The following ANKLE1 variants were observed in gnomAD, a reference collection of about 807,000 sequenced individuals.
ANKLE1 encodes structure-specific endonuclease ANKLE1.
In ANKLE1, 59 loss-of-function variants were observed where a neutral mutation model predicts 56.2. The observed-to-expected ratio is 1.05, with a 90% CI of 0.85 to 1.30. The LOEUF (loss-of-function observed/expected upper bound fraction) is 1.30, where lower values mean the gene tolerates loss of function less well. Among genes scored for constraint, ANKLE1 ranks in the 50% most tolerant of loss-of-function variants. ANKLE1 has a pLI of 0.00. For synonymous variants in ANKLE1, 341 were observed against 352.9 expected (o/e 0.97, Z 0.38); for missense variants, 771 against 816.1 (o/e 0.94, Z 0.67).
chr19:17,285,303 G>A (rs529107663), intron 6 of ANKLE1, 128 bp from the exon 7 acceptor site: 56 of 1,109,748 alleles, frequency 5.0e-5, no homozygotes, highest in East Asian at 1.9e-4. Context: ...TTGGGGAGCC[G>A]CTGACTCTCT....
rs7507273 is a variant in ANKLE1 at position 17,282,078 on chromosome 19, C to T, written c.84C>T (p.Arg28=). The change falls in exon 2 of 9, where the codon CGC becomes CGT. Residue 28 remains arginine (R), a synonymous_variant. Transcript: ENST00000404085. ...EEPWAVEELL[R]CGADPNLVLE... is the part of the protein sequence containing the mutation. ...GCAGGGCAGTAGAGGAGCTGCTGCG[C>T]TGCGGCGCGGACCCTAATTTGGTGC... 1 of 1,540,036 alleles carries T rather than the reference C, an allele frequency of 6.5e-7. No homozygotes were observed.
chr19:17,283,471 A>G lies in ANKLE1; in HGVS notation c.707A>G (p.Asp236Gly). 2 of 1,612,892 alleles carry G rather than the reference A, an allele frequency of 1.2e-6. No individual in the cohort carries two copies. Among genetic ancestry groups the G allele is most frequent in the East Asian group, 2.2e-5 (1 of 44,864 alleles). ...TCTGGAGCTGAGGACCCAGCCTCGG[A>G]CACTCCCCCCTGGGCTGGGTCATTG... ...EVSGAEDPAS[D>G]TPPWAGSLPP... Residue 236 changes from aspartate to glycine, a missense_variant, in exon 5 of 9, where the codon GAC becomes GGC. Transcript: ENST00000404085.
At position 17,283,480 on chromosome 19, in the gene ANKLE1, C is replaced by T; in HGVS notation, c.716C>T (p.Pro239Leu). ...GAEDPASDTP[P>L]WAGSLPPTRQ... is the part of the protein sequence containing the mutation. ...GAGGACCCAGCCTCGGACACTCCCC[C>T]CTGGGCTGGGTCATTGCCACCGACC... Residue 239 changes from proline (P) to leucine (L), a missense_variant, in exon 5 of 9, where the codon CCC (proline) becomes CTC (leucine). Physicochemically the swap from Pro to Leu is moderately conservative, Grantham distance 98 (BLOSUM62 -3). Coordinates refer to ENST00000404085, the MANE Select transcript of ANKLE1 (RefSeq NM_152363.6). 6 of 1,613,216 alleles carry T rather than the reference C, an allele frequency of 3.7e-6. No individual in the cohort carries two copies. Among genetic ancestry groups the T allele is most frequent in the Middle Eastern group, 1.7e-4 (1 of 6,060 alleles).
In ANKLE1 at chr19:17,282,629, A is replaced by G. The variant is rs1476035021; in HGVS notation, c.216-27A>G. 5 of 1,530,286 alleles carry G rather than the reference A, an allele frequency of 3.3e-6. No individual in the cohort carries two copies. In the African/African-American group the frequency reaches 4.1e-5, roughly 13 times the overall value. The allele number at this position is 1,530,286 out of a possible 1,614,324, so 94.8% of individuals were successfully genotyped here. A position where few individuals can be genotyped will look rare whatever the true frequency, so the allele number is the denominator to read the frequency against. On this transcript the variant is annotated intron_variant, in intron 2 of 8. Coordinates refer to ENST00000404085, the MANE Select transcript of ANKLE1 (RefSeq NM_152363.6). ...TTCCTGCCGGGAGGCTGAGTCCGCA[A>G]TGACCCCTCTTGCGCTGCCGCCCCA... is the stretch of plus-strand genomic sequence containing the variant.
Position 17,283,283 on chromosome 19 carries a change from G to T in ANKLE1, c.519G>T (p.Gln173His). 6.2e-7 allele frequency: 1 copy of T among 1,613,650 alleles called. No homozygotes were observed. Among genetic ancestry groups the T allele is most frequent in the African/African-American group, 1.3e-5 (1 of 75,030 alleles). ...TGGACTCCATAGCACTCCAAAAGCA[G>T]CCATGCAGAGGTGACAACAGGGACA... is the stretch of plus-strand genomic sequence containing the variant. ...ETLDSIALQK[Q>H]PCRGDNRDIG... is the part of the protein sequence containing the mutation. Residue 173 changes from glutamine to histidine, a missense_variant, in exon 5 of 9, where the codon CAG becomes CAT. Physicochemically the swap from Gln to His is conservative, Grantham distance 24. Transcript: ENST00000404085.
rs2074045392 is a variant in ANKLE1, at chr19:17,287,311, A to C, written c.*759A>C. ...CTGGGCATGGTGGCGCGTGCCTGTA[A>C]TCCCAGCTACTAGGGGGGCTGAGGC... On this transcript the variant is annotated 3_prime_UTR_variant, in exon 9 of 9. Coordinates refer to ENST00000404085, the MANE Select transcript of ANKLE1 (RefSeq NM_152363.6). 1 of 152,004 alleles carries C rather than the reference A, an allele frequency of 6.6e-6. No homozygotes were observed. The highest frequency in any genetic ancestry group is 6.5e-5 in the Admixed American group (1 of 15,272). The allele number at this position is 152,004 out of a possible 1,614,324, so 9.4% of individuals were successfully genotyped here. A position where few individuals can be genotyped will look rare whatever the true frequency, so the allele number is the denominator to read the frequency against.
At chr19:17,285,878 C>T in intron 8 of ANKLE1, 59 bp downstream of exon 8, 2 of 1,597,214 alleles carry the variant, frequency 1.3e-6, no homozygotes, top group Non-Finnish European at 8.5e-7. Context: ...TCCCAGTTCC[C>T]TCATTTTTTT....
Position 17,286,455 on chromosome 19 carries a change from G to C in ANKLE1, c.1751G>C (p.Arg584Pro). Reference sequence around the variant, plus strand: ...GCAGGCTGGCCACCTGCTCGTCGCCGGCGCTTGGGGGTGCACCTGCTGCAC... The same window carrying C: ...GCAGGCTGGCCACCTGCTCGTCGCCCGCGCTTGGGGGTGCACCTGCTGCAC... Reference protein sequence around the residue: ...VVAGWPPARRRRLGVHLLHRA... With the variant: ...VVAGWPPARRPRLGVHLLHRA... Residue 584 changes from arginine (R) to proline (P), a missense_variant, in exon 9 of 9, where the codon CGG becomes CCG. By Grantham distance (103) the Arg-to-Pro change is moderately radical. Coordinates refer to ENST00000404085, the MANE Select transcript of ANKLE1 (RefSeq NM_152363.6). 1 of 1,612,028 alleles carries C rather than the reference G, an allele frequency of 6.2e-7. No individual in the cohort carries two copies. Among genetic ancestry groups the C allele is most frequent in the Non-Finnish European group, 8.5e-7 (1 of 1,179,342 alleles).
chr19:17,286,510 C>T lies in ANKLE1; in HGVS notation c.1806C>T (p.Gly602=), dbSNP rs376538704. ...HRALLVFLAE[G]ERQLHPQDIQ... is the part of the protein sequence containing the mutation. The stretch of plus-strand genomic sequence containing the variant: ...CCCTCCTTGTCTTCCTGGCTGAAGG[C>T]GAGCGACAGCTTCATCCCCAGGACA... Residue 602 remains glycine, a synonymous_variant, in exon 9 of 9, where the codon GGC becomes GGT. Coordinates refer to ENST00000404085, the MANE Select transcript of ANKLE1 (RefSeq NM_152363.6). 3.2e-5 allele frequency: 51 copies of T among 1,611,358 alleles called. No individual in the cohort carries two copies. Among genetic ancestry groups the T allele is most frequent in the Non-Finnish European group, 4.2e-5 (49 of 1,179,236 alleles).
chr19:17,285,105 C>T (rs932918205), intron 6 of ANKLE1, among the ~76,000 whole-genome samples: 1 of 151,844 alleles, frequency 6.6e-6, no homozygotes, highest in African/African-American at 2.4e-5. Context: ...ACTAAAAATA[C>T]AAAATTAGCC....
In ANKLE1 at chr19:17,282,859, T is replaced by C; in HGVS notation, c.322-5T>C. On this transcript the variant is annotated splice_region_variant and splice_polypyrimidine_tract_variant and intron_variant, in intron 3 of 8. Transcript: ENST00000404085. ...GGGCGCCCCCTGCTGACCGCGCCCC[T>C]GTAGGACGGACTCCGGCCGCTGGAC... The C allele has an allele frequency of 1.3e-6, 2 of 1,588,726 alleles. No individual in the cohort carries two copies. Among genetic ancestry groups the C allele is most frequent in the African/African-American group, 2.7e-5 (2 of 74,856 alleles).
rs772851502 is a variant in ANKLE1 at position 17,284,225 on chromosome 19, G to T, written c.1335G>T (p.Gly445=). ...QPDPARRWRE[G]VVKSSFTYLL... is the part of the protein sequence containing the mutation. ...ATCCTGCCAGGAGGTGGCGGGAGGG[G>T]GTCGTGAAGTCTAGCTTCACCTATC... Residue 445 remains glycine, a synonymous_variant, in exon 6 of 9, where the codon GGG becomes GGT. Transcript: ENST00000404085. 2.0e-5 allele frequency: 32 copies of T among 1,613,802 alleles called. No individual in the cohort carries two copies. Among genetic ancestry groups the T allele is most frequent in the Non-Finnish European group, 2.6e-5 (31 of 1,179,878 alleles).
Position 17,284,210 on chromosome 19 carries a change from G to A in ANKLE1, c.1320G>A (p.Arg440=). The change falls in exon 6 of 9, where the codon AGG becomes AGA. Residue 440 remains arginine, a synonymous_variant. Coordinates refer to ENST00000404085, the MANE Select transcript of ANKLE1 (RefSeq NM_152363.6). ...AGTTTGAGCAGCCAGATCCTGCCAG[G>A]AGGTGGCGGGAGGGGGTCGTGAAGT... ...AQQFEQPDPA[R]RWREGVVKSS... is the part of the protein sequence containing the mutation. The A allele has an allele frequency of 6.2e-7, 1 of 1,613,902 alleles. No homozygotes were observed. The highest frequency in any genetic ancestry group is 8.5e-7 in the Non-Finnish European group (1 of 1,179,886).
chr19:17,285,652 G>A, intron 7 of ANKLE1, 29 bp from the exon 8 acceptor site: 1 of 1,613,922 alleles, frequency 6.2e-7, no homozygotes, highest in Non-Finnish European at 8.5e-7. Flanking sequence ...GGAGGGTATT[G>A]GGGGTGCTGA....
In ANKLE1 at chr19:17,285,784, C is replaced by G. The variant is rs2074025199; in HGVS notation, c.1640C>G (p.Ala547Gly). 2 of 1,613,810 alleles carry G rather than the reference C, an allele frequency of 1.2e-6. No individual in the cohort carries two copies. The highest frequency in any genetic ancestry group is 1.7e-6 in the Non-Finnish European group (2 of 1,179,876). The change falls in exon 8 of 9, where the codon GCT (alanine) becomes GGT (glycine). Residue 547 changes from alanine (A) to glycine (G), a missense_variant. Ala to Gly is a moderately conservative substitution (Grantham distance 60). Coordinates refer to ENST00000404085, the MANE Select transcript of ANKLE1 (RefSeq NM_152363.6). ...TTCCAGCACGTGGTCGCTGTGGAGG[C>G]TTATACACGGGAGGCGTGTATTGTG... ...HCFQHVVAVE[A>G]YTREACIVEA...
Position 17,285,485 on chromosome 19 carries a change from T to G in ANKLE1, c.1431T>G (p.Leu477=). 6.2e-7 allele frequency: 1 copy of G among 1,613,876 alleles called. No homozygotes were observed. Among genetic ancestry groups the G allele is most frequent in the Non-Finnish European group, 8.5e-7 (1 of 1,179,882 alleles). The part of the protein sequence containing the change: ...RAFSLTPAER[L]QTFIRAIFYV... Reference sequence around the variant, plus strand: ...TCTCACTGACCCCAGCTGAGCGCCTTCAGACTTTCATCCGTGCCATCTTCT... The same window carrying G: ...TCTCACTGACCCCAGCTGAGCGCCTGCAGACTTTCATCCGTGCCATCTTCT... The change falls in exon 7 of 9, where the codon CTT becomes CTG. Residue 477 remains leucine (L), a synonymous_variant. Coordinates refer to ENST00000404085, the MANE Select transcript of ANKLE1 (RefSeq NM_152363.6).
In ANKLE1 at chr19:17,283,019, G is replaced by A. The variant is rs141891433; in HGVS notation, c.460+17G>A. ...CACCTGGCAGTGAGTAGGGCCTGCA[G>A]GGCTGCTGGGGCTTGACTTCTGGAC... On this transcript the variant is annotated intron_variant, in intron 4 of 8. Coordinates refer to ENST00000404085, the MANE Select transcript of ANKLE1 (RefSeq NM_152363.6). 5.0e-3 allele frequency: 7,810 copies of A among 1,551,586 alleles called. 26 individuals are homozygous for A. The highest frequency in any genetic ancestry group is 5.8e-3 in the Non-Finnish European group (6,641 of 1,154,836).
chr19:17,284,223 G>T lies in ANKLE1; in HGVS notation c.1333G>T (p.Gly445Trp). 2 of 1,613,816 alleles carry T rather than the reference G, an allele frequency of 1.2e-6. No homozygotes were observed. The highest frequency in any genetic ancestry group is 1.7e-6 in the Non-Finnish European group (2 of 1,179,882). The change falls in exon 6 of 9, where the codon GGG (glycine) becomes TGG (tryptophan). Residue 445 changes from glycine to tryptophan, a missense_variant. Gly to Trp is a radical substitution (Grantham distance 184). Transcript: ENST00000404085. The stretch of plus-strand genomic sequence containing the variant: ...AGATCCTGCCAGGAGGTGGCGGGAG[G>T]GGGTCGTGAAGTCTAGCTTCACCTA... ...QPDPARRWRE[G>W]VVKSSFTYLL...
chr19:17,286,449 G>T lies in ANKLE1; in HGVS notation c.1745G>T (p.Arg582Leu). ...YGVVAGWPPA[R>L]RRRLGVHLLH... ...GTGGTGGCAGGCTGGCCACCTGCTC[G>T]TCGCCGGCGCTTGGGGGTGCACCTG... is the stretch of plus-strand genomic sequence containing the variant. The change falls in exon 9 of 9, where the codon CGT becomes CTT. Residue 582 changes from arginine to leucine, a missense_variant. Transcript: ENST00000404085. 6.2e-7 allele frequency: 1 copy of T among 1,611,698 alleles called. No homozygotes were observed. The highest frequency in any genetic ancestry group is 8.5e-7 in the Non-Finnish European group (1 of 1,179,236).
Sources: gnomAD v4.1 joint callset for allele counts (sites outside exome capture counted in the v4.1 genomes callset) on GRCh38, gnomAD v4.1.1 for gene constraint, MANE v1.5 for transcripts, NCBI Gene and HGNC (gene_info 2026-07-23, HGNC 2026-07-21) for gene names.